Variants in PCDHGA6 observed in about 807,000 individuals in gnomAD.
PCDHGA6 encodes the protein protocadherin gamma-A6.
PCDHGA6 carries 41 observed loss-of-function variants against 60.6 expected under a neutral mutation model. That is an observed-to-expected ratio of 0.68 (90% CI 0.53 to 0.88). PCDHGA6 has a LOEUF of 0.88. Ranked by LOEUF, PCDHGA6 falls within the 40% of genes least tolerant of loss-of-function variation. The probability of loss-of-function intolerance (pLI) is 0.00; values close to 1 mark genes in which losing one functional copy is unlikely to be tolerated. For missense variants in PCDHGA6, 1,312 were observed against 1,203.0 expected (o/e 1.09, Z -1.34); for synonymous variants, 594 against 524.4 (o/e 1.13, Z -1.81).
chr5:141,419,375 T>G (rs755252910), intron 1 of PCDHGA6: 1 of 1,613,728 alleles, frequency 6.2e-7, no homozygotes, highest in Admixed American at 1.7e-5. Context: ...GTCCTACGTG[T>G]CCGTGAGCGC....
At position 141,490,591 on chromosome 5, in the gene PCDHGA6, G is replaced by A; in HGVS notation, c.2425-4216G>A. 1 of 1,614,100 alleles carries A rather than the reference G, an allele frequency of 6.2e-7. No homozygotes were observed. Among genetic ancestry groups the A allele is most frequent in the African/African-American group, 1.3e-5 (1 of 75,016 alleles). ...CAACATTTCAGATGTCAATGACAAT[G>A]CACCCCGCTTCAACCAGCAGCTTTA... On this transcript the variant is annotated intron_variant, in intron 1 of 3. Coordinates refer to ENST00000517434, the MANE Select transcript of PCDHGA6 (RefSeq NM_018919.3). This position sits in a 1 kb window ranked among gnomAD's most constrained non-coding sequence, Gnocchi z 5.4.
intron 1 of PCDHGA6, chr5:141,418,548 T>C: frequency 6.2e-7 from 1 of 1,613,964 alleles, no homozygotes; most frequent in Non-Finnish European, 8.5e-7. Flanking sequence ...CAGATAAGAA[T>C]CCTGGTAATA....
In PCDHGA6 at chr5:141,486,858, C is replaced by T. The variant is rs2099636039; in HGVS notation, c.2425-7949C>T. The T allele has an allele frequency of 2.5e-6, 4 of 1,614,246 alleles. No homozygotes were observed. The highest frequency in any genetic ancestry group is 1.1e-5 in the South Asian group (1 of 91,088). On this transcript the variant is annotated intron_variant, in intron 1 of 3. Transcript: ENST00000517434. The surrounding 1 kb of genome is among the most constrained non-coding windows in gnomAD (Gnocchi z 5.0). ...TTTGTGCTGGACCTCAATGACAATGCTCCAGCTGTGCTCCGTCCTCGGGCC... is the reference window on the plus strand; with the variant it reads ...TTTGTGCTGGACCTCAATGACAATGTTCCAGCTGTGCTCCGTCCTCGGGCC...
chr5:141,410,068 C>T (rs2095353806), intron 1 of PCDHGA6: 1 of 1,612,832 alleles, frequency 6.2e-7, no homozygotes, highest in Non-Finnish European at 8.5e-7. Context: ...TGGGGCTGCG[C>T]ACTGGGGAGG....
rs751320023 is a variant in PCDHGA6 at position 141,431,263 on chromosome 5, G to T, written c.2424+54756G>T. 6 of 1,614,060 alleles carry T rather than the reference G, an allele frequency of 3.7e-6. No homozygotes were observed. In the East Asian group the frequency reaches 1.3e-4, roughly 36 times the overall value. ...CGGATATCGGGAAGAACTCTCTGCA[G>T]AGCTACGAGCTCAGCCCGAACACTC... On this transcript the variant is annotated intron_variant, in intron 1 of 3. Transcript: ENST00000517434. The surrounding 1 kb of genome is among the most constrained non-coding windows in gnomAD (Gnocchi z 4.8).
At chr5:141,480,295 G>A (rs1190133739) in intron 1 of PCDHGA6, among the ~76,000 whole-genome samples, 2 of 133,330 alleles carry the variant, frequency 1.5e-5, no homozygotes, top group Admixed American at 7.4e-5. Context: ...TGCACCTGTG[G>A]TACCAGCTAC....
At chr5:141,394,754 G>A (rs753264235) in intron 1 of PCDHGA6, 3 of 1,613,428 alleles carry the variant, frequency 1.9e-6, no homozygotes, top group African/African-American at 2.7e-5. Flanking sequence ...TGGCCGTCCA[G>A]GACCATGGCC....
chr5:141,429,760 C>A (rs1036499079), intron 1 of PCDHGA6, among the ~76,000 whole-genome samples: 1 of 152,020 alleles, frequency 6.6e-6, no homozygotes, highest in Non-Finnish European at 1.5e-5. Flanking sequence ...AATTTTTTCC[C>A]TATATTTTGA....
chr5:141,395,546 G>GTT (rs2093266838), intron 1 of PCDHGA6: 4 of 32,300 alleles, frequency 1.2e-4, no homozygotes, highest in African/African-American at 9.9e-4. Context: ...TATTGTTTGT[G>GTT]TGTGTGTGTG....
chr5:141,384,201 G>C (rs369190060), intron 1 of PCDHGA6: 30 of 1,613,802 alleles, frequency 1.9e-5, no homozygotes, highest in Non-Finnish European at 2.5e-5. Flanking sequence ...CCTTGTCCAG[G>C]GAAACTCACA....
chr5:141,504,228 C>T lies in PCDHGA6; in HGVS notation c.2484-1165C>T, dbSNP rs114896014. Among the ~76,000 whole-genome samples, 193 of 152,312 alleles carry T rather than the reference C, an allele frequency of 1.3e-3. 1 individual carries two copies. The highest frequency in any genetic ancestry group is 2.1e-3 in the Admixed American group (32 of 15,304). ...AAAATTCCAAGTAGAGCTGAACCTT[C>T]TAAGAAGCAGAGAGTTCTTCTTATG... On this transcript the variant is annotated intron_variant, in intron 2 of 3. Coordinates refer to ENST00000517434, the MANE Select transcript of PCDHGA6 (RefSeq NM_018919.3).
At chr5:141,392,922 G>A (rs2092629176) in intron 1 of PCDHGA6, 1 of 1,613,946 alleles carries the variant, frequency 6.2e-7, no homozygotes, top group African/African-American at 1.3e-5. Context: ...CTCTGTGCCA[G>A]AAGAGACGGA....
At chr5:141,426,916 A>T (rs1227752756) in intron 1 of PCDHGA6, 2 of 456,618 alleles carry the variant, frequency 4.4e-6, no homozygotes, top group Non-Finnish European at 4.4e-6. Context: ...CTGGTCCTGG[A>T]AGCAATGGAC....
intron 1 of PCDHGA6, chr5:141,384,465 T>A (rs1561602415): frequency 6.2e-7 from 1 of 1,614,118 alleles, no homozygotes; most frequent in Non-Finnish European, 8.5e-7. Flanking sequence ...CCTTTGATTA[T>A]GAGCAGTTGA....
Position 141,490,672 on chromosome 5 carries a change from G to T in PCDHGA6, c.2425-4135G>T. The T allele has an allele frequency of 6.2e-7, 1 of 1,614,114 alleles. No homozygotes were observed. Among genetic ancestry groups the T allele is most frequent in the Non-Finnish European group, 8.5e-7 (1 of 1,179,996 alleles). ...GGGCTCCCTTCTTTGCACTGTGGCT[G>T]CCTCAGATCCAGACACTGGGGATAA... On this transcript the variant is annotated intron_variant, in intron 1 of 3. Coordinates refer to ENST00000517434, the MANE Select transcript of PCDHGA6 (RefSeq NM_018919.3). The surrounding 1 kb of genome is among the most constrained non-coding windows in gnomAD (Gnocchi z 5.4).
At chr5:141,405,499 A>C in intron 1 of PCDHGA6, 9 of 782,122 alleles carry the variant, frequency 1.2e-5, no homozygotes, top group Non-Finnish European at 1.8e-5. Context: ...GGCTCATTGC[A>C]ACCTCCGCCT....
chr5:141,410,826 G>T, intron 1 of PCDHGA6: 4 of 379,152 alleles, frequency 1.1e-5, no homozygotes, highest in Non-Finnish European at 9.0e-6. Flanking sequence ...AATGTCACCA[G>T]ACTGAAGATA....
chr5:141,409,055 G>A lies in PCDHGA6; in HGVS notation c.2424+32548G>A, dbSNP rs141881204. The A allele has an allele frequency of 7.2e-5, 117 of 1,614,038 alleles. No individual in the cohort carries two copies. Among genetic ancestry groups the A allele is most frequent in the Admixed American group, 5.0e-4 (30 of 60,032 alleles). On this transcript the variant is annotated intron_variant, in intron 1 of 3. Coordinates refer to ENST00000517434, the MANE Select transcript of PCDHGA6 (RefSeq NM_018919.3). ...GATAAACTACTACTTCCGAAGCACT[G>A]CCCAGAGCACAAAACATATGTTCTC...
chr5:141,491,714 C>A lies in PCDHGA6; in HGVS notation c.2425-3093C>A, dbSNP rs1321811999. On this transcript the variant is annotated intron_variant, in intron 1 of 3. Transcript: ENST00000517434. The surrounding 1 kb of genome is among the most constrained non-coding windows in gnomAD (Gnocchi z 6.9). ...GAGCGGAGCCAGGTGAGGGGCTCGG[C>A]GCCGCCCCGGGCGACCCCTGGGGGC... 2 of 1,608,742 alleles carry A rather than the reference C, an allele frequency of 1.2e-6. No individual in the cohort carries two copies. The highest frequency in any genetic ancestry group is 1.7e-6 in the Non-Finnish European group (2 of 1,177,914).
Sources: allele counts gnomAD v4.1 joint callset (sites outside exome capture counted in the v4.1 genomes callset), GRCh38; gene constraint gnomAD v4.1.1; non-coding constraint Gnocchi (gnomAD v3.1); transcripts MANE v1.5; gene names NCBI Gene and HGNC (gene_info 2026-07-23, HGNC 2026-07-21).